BLM: variants seen among roughly 807,000 people sequenced by gnomAD.
BLM encodes the protein BLM RecQ like helicase.
In BLM, 95 loss-of-function variants were observed where a neutral mutation model predicts 135.3. The observed-to-expected ratio is 0.70, with a 90% CI of 0.59 to 0.83. BLM has a LOEUF of 0.83. Among genes scored for constraint, BLM ranks in the 40% least tolerant of loss-of-function variants. BLM has a pLI of 0.00. For missense variants in BLM, 1,518 were observed against 1,663.9 expected (o/e 0.91, Z 1.53); for synonymous variants, 520 against 589.2 (o/e 0.88, Z 1.70).
chr15:90,744,515 G>A (rs942013769), intron 1 of BLM, among the ~76,000 whole-genome samples: 2 of 152,046 alleles, frequency 1.3e-5, no homozygotes, highest in African/African-American at 2.4e-5. Context: ...TGGGATTACA[G>A]GCACATGCCA....
chr15:90,718,986 GTTTGTT>G (rs1314718601), intron 1 of BLM, among the ~76,000 whole-genome samples: 1 of 152,048 alleles, frequency 6.6e-6, no homozygotes, highest in Admixed American at 6.6e-5. Context: ...GAATGAGTGA[GTTTGTT>G]TTTGTTTTTG....
rs769177306 is a variant in BLM at position 90,803,696 on chromosome 15, A to G, written c.3534A>G (p.Gln1178=). 22 of 1,614,046 alleles carry G rather than the reference A, an allele frequency of 1.4e-5. No homozygotes were observed. The highest frequency in any genetic ancestry group is 1.9e-5 in the Non-Finnish European group (22 of 1,180,014). The change falls in exon 18 of 22, where the codon CAA becomes CAG. Residue 1178 remains glutamine (Q), a synonymous_variant. Transcript: ENST00000355112. ...IAYVMLGNKA[Q]TVLNGNLKVD... The stretch of plus-strand genomic sequence containing the variant: ...ATGTGATGCTCGGAAATAAAGCCCA[A>G]ACTGTACTAAATGGCAATTTAAAGG...
intron 1 of BLM, among the ~76,000 whole-genome samples, chr15:90,733,218 A>G (rs573963862): frequency 6.6e-6 from 1 of 152,382 alleles, no homozygotes; most frequent in East Asian, 1.9e-4. Flanking sequence ...GACACAGGAT[A>G]GTTTTTATAA....
intron 1 of BLM, among the ~76,000 whole-genome samples, chr15:90,719,462 G>A (rs950215347): frequency 5.3e-5 from 8 of 152,130 alleles, no homozygotes; most frequent in Non-Finnish European, 7.4e-5. Flanking sequence ...TTATCTGGGC[G>A]TGGTGGTGTG....
intron 1 of BLM, among the ~76,000 whole-genome samples, 152 bp from the exon 2 acceptor site, chr15:90,747,237 C>CAAAA (rs59331923): frequency 1.0e-4 from 4 of 39,252 alleles, no homozygotes; most frequent in African/African-American, 1.9e-4. Flanking sequence ...GTCTATTGAC[C>CAAAA]AAAAAAAAAA....
chr15:90,790,826 C>G lies in BLM; in HGVS notation c.3001C>G (p.Leu1001Val). The G allele has an allele frequency of 6.2e-7, 1 of 1,613,992 alleles. No individual in the cohort carries two copies. The change falls in exon 15 of 22, where the codon CTG (leucine) becomes GTG (valine). Residue 1001 changes from leucine (L) to valine (V), a missense_variant. Leu to Val is a conservative substitution (Grantham distance 32). Coordinates refer to ENST00000355112, the MANE Select transcript of BLM (RefSeq NM_000057.4). The stretch of plus-strand genomic sequence containing the variant: ...CTATACCTATCATGATGTGACCAGA[C>G]TGAAAAGACTTATAATGAGTAAGCT... ...LFYTYHDVTR[L>V]KRLIMMEKDG...
intron 7 of BLM, 41 bp downstream of exon 7, chr15:90,761,296 C>T (rs1297114177): frequency 7.3e-7 from 1 of 1,367,152 alleles, no homozygotes. Flanking sequence ...GAAAACAAAA[C>T]TGTCCCAAAA....
intron 20 of BLM, 105 bp from the exon 21 acceptor site, chr15:90,811,100 A>T: frequency 1.7e-6 from 2 of 1,158,242 alleles, no homozygotes; most frequent in Non-Finnish European, 2.6e-6. Context: ...GGAAGCAGCT[A>T]GGTATCTGCT....
At chr15:90,754,166 C>G (rs1895756292) in intron 4 of BLM, among the ~76,000 whole-genome samples, 1 of 152,176 alleles carries the variant, frequency 6.6e-6, no homozygotes, top group Admixed American at 6.5e-5. Context: ...TGTTACCTTT[C>G]TTTGGATTTC....
chr15:90,749,850 T>A lies in BLM; in HGVS notation c.582T>A (p.Phe194Leu), dbSNP rs1895626638. 6.3e-7 allele frequency: 1 copy of A among 1,594,102 alleles called. No individual in the cohort carries two copies. Among genetic ancestry groups the A allele is most frequent in the Non-Finnish European group, 8.5e-7 (1 of 1,171,254 alleles). Residue 194 changes from phenylalanine (F) to leucine (L), a missense_variant, in exon 3 of 22, where the codon TTT (phenylalanine) becomes TTA (leucine). Phe to Leu is a conservative substitution (Grantham distance 22). Transcript: ENST00000355112. ...CAAAAAAGGGTAAGAGAAACTTTTTTAAAGCACAGCTTTATACAACAAACA... is the reference window on the plus strand; with the variant it reads ...CAAAAAAGGGTAAGAGAAACTTTTTAAAAGCACAGCTTTATACAACAAACA... ...QKSKKGKRNF[F>L]KAQLYTTNTV...
chr15:90,771,540 T>C (rs1201556207), intron 12 of BLM, among the ~76,000 whole-genome samples: 3 of 151,066 alleles, frequency 2.0e-5, no homozygotes, highest in African/African-American at 7.3e-5. Flanking sequence ...CTTTAGATTC[T>C]AATAAATAAC....
At chr15:90,808,890 G>T (rs1027575457) in intron 19 of BLM, 7 of 559,390 alleles carry the variant, frequency 1.3e-5, no homozygotes, top group South Asian at 2.0e-5. Context: ...GCTTCCTCCT[G>T]CCCTGGCTCT....
intron 15 of BLM, among the ~76,000 whole-genome samples, chr15:90,792,070 T>C (rs1221265840): frequency 1.3e-5 from 2 of 151,428 alleles, no homozygotes; most frequent in Non-Finnish European, 2.9e-5. Context: ...TATATGTATT[T>C]CTTCTGAGAC....
intron 3 of BLM, among the ~76,000 whole-genome samples, chr15:90,751,173 G>A (rs1895672742): frequency 6.6e-6 from 1 of 152,200 alleles, no homozygotes; most frequent in East Asian, 1.9e-4. Context: ...ACCTTATGAA[G>A]CAGTTGCAAA....
At position 90,760,857 on chromosome 15, in the gene BLM, A is replaced by G. The variant is rs2151158309; in HGVS notation, c.1484A>G (p.His495Arg). 1 of 1,614,080 alleles carries G rather than the reference A, an allele frequency of 6.2e-7. No homozygotes were observed. Among genetic ancestry groups the G allele is most frequent in the Non-Finnish European group, 8.5e-7 (1 of 1,180,026 alleles). Residue 495 changes from histidine to arginine, a missense_variant, in exon 7 of 22, where the codon CAT becomes CGT. His to Arg is a conservative substitution (Grantham distance 29, BLOSUM62 0). Coordinates refer to ENST00000355112, the MANE Select transcript of BLM (RefSeq NM_000057.4). ...NLFERPLFNT[H>R]LQKSFVSSNW... The stretch of plus-strand genomic sequence containing the variant: ...TTTGAAAGGCCTTTATTCAATACCC[A>G]TTTACAGAAGTCCTTTGTAAGTAGC...
At chr15:90,799,668 C>T (rs1033089480) in intron 17 of BLM, among the ~76,000 whole-genome samples, 1 of 145,320 alleles carries the variant, frequency 6.9e-6, no homozygotes, top group East Asian at 2.0e-4. Context: ...CATATGGCCA[C>T]GAGATTTGAG....
intron 9 of BLM, 32 bp downstream of exon 9, chr15:90,765,446 C>A (rs775119882): frequency 6.8e-7 from 1 of 1,473,678 alleles, no homozygotes; most frequent in Non-Finnish European, 9.5e-7. Flanking sequence ...AAAAACACGC[C>A]TTAGAAACAA....
At chr15:90,794,879 CTT>C (rs11295536) in intron 16 of BLM, among the ~76,000 whole-genome samples, 18 of 150,328 alleles carry the variant, frequency 1.2e-4, no homozygotes, top group African/African-American at 4.4e-4. Flanking sequence ...TTACATTACT[CTT>C]TTTTTTTAAC....
At chr15:90,796,407 G>T (rs1283765289) in intron 16 of BLM, among the ~76,000 whole-genome samples, 2 of 152,132 alleles carry the variant, frequency 1.3e-5, no homozygotes, top group African/African-American at 2.4e-5. Flanking sequence ...CTTTTAAAGG[G>T]CCACAGCATA....
Sources: gnomAD v4.1 joint callset for allele counts (sites outside exome capture counted in the v4.1 genomes callset) on GRCh38, gnomAD v4.1.1 for gene constraint, MANE v1.5 for transcripts, NCBI Gene and HGNC (gene_info 2026-07-23, HGNC 2026-07-21) for gene names.